Variants in OPCML observed in about 807,000 individuals in gnomAD.
OPCML encodes opioid-binding protein/cell adhesion molecule.
A neutral mutation model predicts 37.8 loss-of-function variants in OPCML; 13 were observed. That is an observed-to-expected ratio of 0.34 (90% CI 0.22 to 0.55). The LOEUF is 0.55. OPCML is among the 20% of genes least tolerant of loss of function. OPCML has a pLI of 0.91. For missense variants in OPCML, 341 were observed against 435.6 expected, an observed-to-expected ratio of 0.78 and a Z score of 1.93; for synonymous variants, 176 against 168.8, an observed-to-expected ratio of 1.04 and a Z score of -0.33.
chr11:132,442,160 A>G (rs1187446571), intron 4 of OPCML, among the ~76,000 whole-genome samples: 1 of 152,198 alleles, frequency 6.6e-6, no homozygotes, highest in Non-Finnish European at 1.5e-5. Flanking sequence ...CTGCAATCTC[A>G]TGGGGCCAGG....
At chr11:132,736,006 T>G (rs562747360) in intron 2 of OPCML, among the ~76,000 whole-genome samples, 10 of 152,094 alleles carry the variant, frequency 6.6e-5, no homozygotes, top group Non-Finnish European at 1.2e-4. Context: ...CATGGAGAAA[T>G]AGCCCAGGCC....
At chr11:132,635,663 C>T (rs1940447782) in intron 3 of OPCML, among the ~76,000 whole-genome samples, 1 of 151,962 alleles carries the variant, frequency 6.6e-6, no homozygotes, top group South Asian at 2.1e-4. Context: ...AAATCAACTT[C>T]AAGGAAGATC....
chr11:132,563,256 G>A (rs1449875078), intron 3 of OPCML, among the ~76,000 whole-genome samples: 1 of 152,140 alleles, frequency 6.6e-6, no homozygotes, highest in Non-Finnish European at 1.5e-5. Context: ...TGACCTCAGA[G>A]TGTGTGCTTA....
intron 2 of OPCML, among the ~76,000 whole-genome samples, chr11:132,844,231 A>G (rs1437167038): frequency 2.6e-5 from 4 of 152,354 alleles, no homozygotes; most frequent in Middle Eastern, 3.4e-3. Flanking sequence ...AGTCTCGGGT[A>G]TGTCTTTATC....
intron 1 of OPCML, among the ~76,000 whole-genome samples, chr11:132,949,652 C>CA (rs1285297680): frequency 6.6e-6 from 1 of 152,110 alleles, no homozygotes; most frequent in African/African-American, 2.4e-5. Flanking sequence ...TTAAAAATGA[C>CA]AAAAAATGTA....
intron 4 of OPCML, among the ~76,000 whole-genome samples, chr11:132,519,368 G>A (rs574182740): frequency 2.0e-5 from 3 of 152,110 alleles, no homozygotes; most frequent in East Asian, 1.9e-4. Flanking sequence ...GCACAGTGAC[G>A]CTTGCTGAAG....
intron 2 of OPCML, among the ~76,000 whole-genome samples, chr11:132,745,637 T>C (rs902960873): frequency 4.0e-5 from 6 of 151,490 alleles, no homozygotes; most frequent in Non-Finnish European, 7.4e-5. Context: ...AAGCTTTCTC[T>C]CTTTCTTGAG....
At chr11:133,252,321 G>A (rs2084227004) in intron 1 of OPCML, among the ~76,000 whole-genome samples, 1 of 152,140 alleles carries the variant, frequency 6.6e-6, no homozygotes. Flanking sequence ...TCCAGGTAAG[G>A]TATCATCTTA....
At chr11:132,645,834 G>T (rs1158486070) in intron 3 of OPCML, among the ~76,000 whole-genome samples, 2 of 152,214 alleles carry the variant, frequency 1.3e-5, no homozygotes, top group African/African-American at 4.8e-5. Context: ...ACAGTCACTT[G>T]TGGCTAATGG....
Position 133,261,022 on chromosome 11 carries a change from T to A in OPCML, c.61+271242A>T, listed in dbSNP as rs551327684. Among the ~76,000 whole-genome samples the A allele has an allele frequency of 4.1e-4, 62 of 152,258 alleles. No individual in the cohort carries two copies. The South Asian group carries it at 0.013, about 31-fold the overall frequency. ...TGACCTGGCTACCAGCTCCATTTGG[T>A]TTATAAGGTCAGTTCTTTTGTCCAT... On this transcript the variant is annotated intron_variant, in intron 1 of 7. Coordinates refer to ENST00000524381, the MANE Select transcript of OPCML (RefSeq NM_001012393.5).
chr11:132,609,585 G>A (rs922668027), intron 3 of OPCML, among the ~76,000 whole-genome samples: 7 of 152,100 alleles, frequency 4.6e-5, no homozygotes, highest in Admixed American at 1.3e-4. Flanking sequence ...TTCCCACCAC[G>A]CTTCCTCTTG....
intron 1 of OPCML, chr11:133,025,654 C>G (rs1200805393): frequency 5.5e-6 from 1 of 182,030 alleles, no homozygotes; most frequent in Non-Finnish European, 1.0e-5. Context: ...GTCCTGGGCT[C>G]CAGTAATCCT....
At chr11:133,413,429 G>A (rs911801035) in intron 1 of OPCML, among the ~76,000 whole-genome samples, 2 of 151,638 alleles carry the variant, frequency 1.3e-5, no homozygotes, top group African/African-American at 2.4e-5. Context: ...GTATACATAT[G>A]TAACTAACCT....
Position 133,272,228 on chromosome 11 carries a change from T to C in OPCML, c.61+260036A>G, listed in dbSNP as rs1048379766. Among the ~76,000 whole-genome samples the C allele has an allele frequency of 4.8e-5, 7 of 146,446 alleles. No individual in the cohort carries two copies. The Admixed American group carries it at 5.0e-4, about 10-fold the overall frequency. On this transcript the variant is annotated intron_variant, in intron 1 of 7. Transcript: ENST00000524381. ...ATTGAAAGTTGAAGTGGTCTTTATT[T>C]AAGCAGTTGTAGGATATTTGGACTA...
At chr11:132,686,671 CCA>C (rs758146024) in intron 2 of OPCML, among the ~76,000 whole-genome samples, 6 of 152,172 alleles carry the variant, frequency 3.9e-5, no homozygotes, top group Non-Finnish European at 8.8e-5. Flanking sequence ...TTCCCATTCC[CCA>C]GTGTCCTGAG....
At chr11:132,902,682 T>C (rs1591779281) in intron 2 of OPCML, among the ~76,000 whole-genome samples, 1 of 152,128 alleles carries the variant, frequency 6.6e-6, no homozygotes, top group Non-Finnish European at 1.5e-5. Flanking sequence ...CTTTCTGACC[T>C]CTTCTGCCCT....
chr11:133,257,066 T>C (rs1435092233), intron 1 of OPCML, among the ~76,000 whole-genome samples: 1 of 152,232 alleles, frequency 6.6e-6, no homozygotes, highest in Non-Finnish European at 1.5e-5. Context: ...AATTTAATTG[T>C]CTTGCAAAAT....
Position 133,197,008 on chromosome 11 carries a change from G to T in OPCML, c.62-253998C>A, listed in dbSNP as rs566556797. Among the ~76,000 whole-genome samples the T allele has an allele frequency of 7.5e-4, 114 of 152,286 alleles. 2 individuals are homozygous for T. The highest frequency in any genetic ancestry group is 7.3e-3 in the Admixed American group (112 of 15,304). ...AAAACCAAGGAAGCCAATCCAACTGGGAGTGAATTGCCTGGAGTGTGTTGT... is the reference window on the plus strand; with the variant it reads ...AAAACCAAGGAAGCCAATCCAACTGTGAGTGAATTGCCTGGAGTGTGTTGT... On this transcript the variant is annotated intron_variant, in intron 1 of 7. Coordinates refer to ENST00000524381, the MANE Select transcript of OPCML (RefSeq NM_001012393.5).
intron 1 of OPCML, among the ~76,000 whole-genome samples, chr11:133,230,586 C>G (rs918769104): frequency 6.6e-6 from 1 of 152,198 alleles, no homozygotes; most frequent in African/African-American, 2.4e-5. Context: ...TTTAACAAGA[C>G]CTTATCTGGC....
Sources: allele counts gnomAD v4.1 joint callset (sites outside exome capture counted in the v4.1 genomes callset), GRCh38; gene constraint gnomAD v4.1.1; transcripts MANE v1.5; gene names NCBI Gene and HGNC (gene_info 2026-07-23, HGNC 2026-07-21).